Variants in CCSER2 observed in about 807,000 individuals in gnomAD.
The protein encoded by CCSER2 is serine-rich coiled-coil domain-containing protein 2.
CCSER2 carries 46 observed loss-of-function variants against 92.3 expected under a neutral mutation model. That is an observed-to-expected ratio of 0.50 (90% CI 0.39 to 0.64). The LOEUF is 0.64. Ranked by LOEUF, CCSER2 falls within the 30% of genes least tolerant of loss-of-function variation. The pLI, the probability that CCSER2 is intolerant of heterozygous loss-of-function variation, is 0.00. For synonymous variants in CCSER2, 433 were observed against 431.4 expected (o/e 1.00, Z -0.04); for missense variants, 1,244 against 1,238.9 (o/e 1.00, Z -0.06).
intron 1 of CCSER2, among the ~76,000 whole-genome samples, chr10:84,337,628 A>G (rs548385965): frequency 2.6e-5 from 4 of 152,170 alleles, no homozygotes; most frequent in Non-Finnish European, 5.9e-5. Flanking sequence ...CAGTCAAGGA[A>G]TTGTTTTTTA....
At chr10:84,464,977 T>C (rs1481734244) in intron 7 of CCSER2, among the ~76,000 whole-genome samples, 1 of 152,172 alleles carries the variant, frequency 6.6e-6, no homozygotes, top group Non-Finnish European at 1.5e-5. Flanking sequence ...AAGAGTATAG[T>C]ACAGTAGTCA....
At chr10:84,331,814 A>G (rs1310875331) in intron 1 of CCSER2, among the ~76,000 whole-genome samples, 1 of 152,250 alleles carries the variant, frequency 6.6e-6, no homozygotes, top group Non-Finnish European at 1.5e-5. Flanking sequence ...ATGATAAAGC[A>G]TACACATAAT....
chr10:84,459,716 G>A (rs936368287), intron 6 of CCSER2, among the ~76,000 whole-genome samples: 2 of 152,074 alleles, frequency 1.3e-5, no homozygotes, highest in South Asian at 4.1e-4. Context: ...TAGAGACAGA[G>A]TTTTAGCATG....
intron 9 of CCSER2, among the ~76,000 whole-genome samples, chr10:84,494,361 G>T (rs1024232761): frequency 6.6e-6 from 1 of 152,202 alleles, no homozygotes; most frequent in African/African-American, 2.4e-5. Flanking sequence ...CTTGGTTGTG[G>T]TGGGTTTTGG....
intron 3 of CCSER2, among the ~76,000 whole-genome samples, chr10:84,401,089 G>A (rs892136257): frequency 3.3e-5 from 5 of 152,096 alleles, no homozygotes; most frequent in African/African-American, 1.2e-4. Context: ...TTATAGTGAT[G>A]AATACTTGCA....
At chr10:84,364,275 A>G (rs1046906779) in intron 1 of CCSER2, among the ~76,000 whole-genome samples, 28 of 152,240 alleles carry the variant, frequency 1.8e-4, no homozygotes, top group East Asian at 9.6e-4. Flanking sequence ...TTGCATTACA[A>G]TGTTACAATG....
chr10:84,474,357 G>A (rs999816989), intron 8 of CCSER2, among the ~76,000 whole-genome samples: 1 of 152,044 alleles, frequency 6.6e-6, no homozygotes, highest in African/African-American at 2.4e-5. Context: ...CCTTCTGTTA[G>A]AGGATAATAA....
chr10:84,346,778 T>TATATA lies in CCSER2; in HGVS notation c.-40+17970_-40+17971insATATA, dbSNP rs1462981204. Among the ~76,000 whole-genome samples, 67 of 145,698 alleles carry TATATA rather than the reference T, an allele frequency of 4.6e-4. 1 individual carries two copies. Among genetic ancestry groups the TATATA allele is most frequent in the Non-Finnish European group, 3.0e-4 (20 of 65,904 alleles). On this transcript the variant is annotated intron_variant, in intron 1 of 9. Coordinates refer to ENST00000372088, the MANE Select transcript of CCSER2 (RefSeq NM_001284240.2). ...TTTTTTTTTATATATATATATATAT[T>TATATA]TATTTATTTATTTGTTTATTTTATT...
intron 9 of CCSER2, 75 bp from the exon 10 acceptor site, chr10:84,513,374 C>G (rs893588927): frequency 5.7e-5 from 64 of 1,125,546 alleles, no homozygotes; most frequent in Non-Finnish European, 8.0e-5. Context: ...ACCAACACAG[C>G]CTAATTGGTA....
intron 3 of CCSER2, among the ~76,000 whole-genome samples, chr10:84,403,155 A>T (rs1842207072): frequency 6.9e-6 from 1 of 145,840 alleles, no homozygotes; most frequent in African/African-American, 2.6e-5. Context: ...GTAGACCTAC[A>T]CAAATATGCC....
chr10:84,359,178 A>T (rs1845362350), intron 1 of CCSER2, among the ~76,000 whole-genome samples: 1 of 152,104 alleles, frequency 6.6e-6, no homozygotes, highest in Non-Finnish European at 1.5e-5. Flanking sequence ...GGATTACTTA[A>T]TTCCCCTAGG....
chr10:84,465,985 G>A (rs531615564), intron 7 of CCSER2, among the ~76,000 whole-genome samples: 2 of 152,112 alleles, frequency 1.3e-5, no homozygotes, highest in East Asian at 1.9e-4. Context: ...TGATCCGCCC[G>A]CTTCGGCGTC....
chr10:84,475,295 G>A (rs1847072781), intron 8 of CCSER2, among the ~76,000 whole-genome samples: 1 of 152,172 alleles, frequency 6.6e-6, no homozygotes, highest in Non-Finnish European at 1.5e-5. Context: ...TAGAAGGTGA[G>A]CATCTGTACA....
chr10:84,491,251 C>A (rs1848145412), intron 9 of CCSER2, among the ~76,000 whole-genome samples: 1 of 152,194 alleles, frequency 6.6e-6, no homozygotes, highest in African/African-American at 2.4e-5. Flanking sequence ...GGGAGAACCA[C>A]TACTCTCTTC....
intron 6 of CCSER2, among the ~76,000 whole-genome samples, chr10:84,451,266 T>G (rs1347831805): frequency 1.3e-5 from 2 of 150,348 alleles, no homozygotes; most frequent in African/African-American, 2.4e-5. Context: ...TTTTTTTTTT[T>G]GTTTTTTGTT....
chr10:84,391,855 G>C, intron 3 of CCSER2: 1 of 1,482,990 alleles, frequency 6.7e-7, no homozygotes, highest in East Asian at 2.3e-5. Flanking sequence ...TCCCAGTAGT[G>C]TAATCCAAGA....
chr10:84,430,544 G>T (rs923526722), intron 5 of CCSER2, among the ~76,000 whole-genome samples: 3 of 152,168 alleles, frequency 2.0e-5, no homozygotes, highest in Non-Finnish European at 4.4e-5. Context: ...TTTCTAGGGA[G>T]CGGCCAGGGA....
intron 1 of CCSER2, among the ~76,000 whole-genome samples, chr10:84,347,350 C>T (rs950292386): frequency 3.3e-5 from 5 of 152,054 alleles, no homozygotes; most frequent in African/African-American, 7.2e-5. Flanking sequence ...CCAGAAGGGG[C>T]GGCCGGGCAG....
intron 9 of CCSER2, among the ~76,000 whole-genome samples, chr10:84,511,994 A>G (rs936508961): frequency 5.3e-5 from 8 of 152,096 alleles, no homozygotes; most frequent in Non-Finnish European, 1.2e-4. Context: ...TGTACAGATT[A>G]ATTTTGAGTA....
Sources: gnomAD v4.1 joint callset for allele counts (sites outside exome capture counted in the v4.1 genomes callset) on GRCh38, gnomAD v4.1.1 for gene constraint, MANE v1.5 for transcripts, NCBI Gene and HGNC (gene_info 2026-07-23, HGNC 2026-07-21) for gene names.